Variants in DSCAM observed in about 807,000 individuals in gnomAD.
DSCAM encodes DS cell adhesion molecule, also known as cell adhesion molecule DSCAM.
DSCAM carries 47 observed loss-of-function variants against 217.7 expected under a neutral mutation model. The observed-to-expected ratio is 0.22, with a 90% CI of 0.17 to 0.28. DSCAM has a LOEUF of 0.28. Ranked by LOEUF, DSCAM falls within the 10% of genes least tolerant of loss-of-function variation. The pLI, the probability that DSCAM is intolerant of heterozygous loss-of-function variation, is 1.00. For missense variants in DSCAM, 2,080 were observed against 2,618.3 expected (o/e 0.79, Z 4.49); for synonymous variants, 1,056 against 1,015.3 (o/e 1.04, Z -0.76).
chr21:40,529,512 GAGC>G (rs917998809), intron 3 of DSCAM, among the ~76,000 whole-genome samples: 17 of 152,074 alleles, frequency 1.1e-4, no homozygotes, highest in South Asian at 8.3e-4. Context: ...AGTTGGTATG[GAGC>G]AGATCAAAGG....
At chr21:40,488,263 GT>G (rs1277721961) in intron 3 of DSCAM, among the ~76,000 whole-genome samples, 2 of 152,212 alleles carry the variant, frequency 1.3e-5, no homozygotes, top group Non-Finnish European at 2.9e-5. Context: ...TCCTCTCTGA[GT>G]TTCTGCTTCC....
chr21:40,427,877 T>C (rs1040358197), intron 3 of DSCAM, among the ~76,000 whole-genome samples: 1 of 152,216 alleles, frequency 6.6e-6, no homozygotes, highest in Non-Finnish European at 1.5e-5. Flanking sequence ...TCTGGATGAA[T>C]ATCAGCACTG....
At chr21:40,380,946 C>T (rs1386460374) in intron 3 of DSCAM, among the ~76,000 whole-genome samples, 1 of 151,316 alleles carries the variant, frequency 6.6e-6, no homozygotes, top group South Asian at 2.1e-4. Context: ...GCCTGTAGTC[C>T]CAGCTGCTCG....
At chr21:40,818,547 CAAAAAAAAAAAAAAAAAAAAAA>C (rs60730859) in intron 1 of DSCAM, among the ~76,000 whole-genome samples, 30 of 41,850 alleles carry the variant, frequency 7.2e-4, no homozygotes, top group Admixed American at 4.3e-4. Context: ...CTCCGTCTCA[CAAAAAAAAAAAAAAAAAAAAAA>C]AAAAAAAAAA....
At chr21:40,030,666 G>A (rs774547504) in intron 32 of DSCAM, among the ~76,000 whole-genome samples, 6 of 152,152 alleles carry the variant, frequency 3.9e-5, no homozygotes, top group Non-Finnish European at 8.8e-5. Flanking sequence ...ACATACTGCT[G>A]TTCACGCCCA....
At chr21:40,617,987 C>T (rs2089427603) in intron 3 of DSCAM, among the ~76,000 whole-genome samples, 1 of 152,198 alleles carries the variant, frequency 6.6e-6, no homozygotes, top group South Asian at 2.1e-4. Flanking sequence ...AATATGGCTG[C>T]CTGGGTGAAG....
intron 3 of DSCAM, among the ~76,000 whole-genome samples, chr21:40,517,005 T>G (rs959778762): frequency 6.8e-6 from 1 of 147,662 alleles, no homozygotes; most frequent in Non-Finnish European, 1.5e-5. Flanking sequence ...ATACACCATA[T>G]ATATACCTTA....
At chr21:40,447,184 C>A (rs1424572687) in intron 3 of DSCAM, among the ~76,000 whole-genome samples, 1 of 152,096 alleles carries the variant, frequency 6.6e-6, no homozygotes, top group Non-Finnish European at 1.5e-5. Flanking sequence ...TAAGGTTGGG[C>A]ATGTAGGTGA....
intron 19 of DSCAM, among the ~76,000 whole-genome samples, chr21:40,126,460 A>T (rs1184023143): frequency 6.6e-6 from 1 of 152,100 alleles, no homozygotes; most frequent in Non-Finnish European, 1.5e-5. Context: ...ATCGTTGGTA[A>T]ATGGTCACAT....
intron 16 of DSCAM, among the ~76,000 whole-genome samples, chr21:40,163,898 C>G (rs2090566673): frequency 6.6e-6 from 1 of 152,162 alleles, no homozygotes; most frequent in Non-Finnish European, 1.5e-5. Flanking sequence ...GATGCCATCT[C>G]CATGGCAGTC....
intron 11 of DSCAM, among the ~76,000 whole-genome samples, chr21:40,210,465 T>G (rs2091171036): frequency 6.6e-6 from 1 of 152,182 alleles, no homozygotes; most frequent in Admixed American, 6.5e-5. Flanking sequence ...ATAGCTGTGG[T>G]GCAATATCAG....
At chr21:40,053,027 T>C (rs1469964554) in intron 29 of DSCAM, among the ~76,000 whole-genome samples, 2 of 152,220 alleles carry the variant, frequency 1.3e-5, no homozygotes, top group African/African-American at 4.8e-5. Flanking sequence ...AGGATGCTGT[T>C]GCTAAGAGTT....
At chr21:40,265,190 C>G (rs1014157235) in intron 11 of DSCAM, among the ~76,000 whole-genome samples, 1 of 146,770 alleles carries the variant, frequency 6.8e-6, no homozygotes, top group Non-Finnish European at 1.5e-5. Context: ...AGCAAAATTC[C>G]GTCTCAAAAA....
intron 3 of DSCAM, among the ~76,000 whole-genome samples, chr21:40,464,184 G>C (rs1047728929): frequency 3.9e-5 from 6 of 152,164 alleles, no homozygotes; most frequent in Non-Finnish European, 7.3e-5. Context: ...CACCTCTACA[G>C]AGGTTCTCTG....
chr21:40,671,139 G>A (rs1454130028), intron 3 of DSCAM, among the ~76,000 whole-genome samples: 1 of 152,122 alleles, frequency 6.6e-6, no homozygotes, highest in Non-Finnish European at 1.5e-5. Flanking sequence ...CCCAACTGTA[G>A]TCTTTGACCA....
rs546012748 is a variant in DSCAM, at chr21:40,383,531, T to C, written c.509-14286A>G. ...GGAAAGCCACAGAAGGTACCAGTTA[T>C]CCACTCACTGACTTAGGTGCCTCCA... On this transcript the variant is annotated intron_variant, in intron 3 of 32. Coordinates refer to ENST00000400454, the MANE Select transcript of DSCAM (RefSeq NM_001389.5). 8 of 152,328 alleles carry C rather than the reference T, an allele frequency of 5.3e-5. No individual in the cohort carries two copies. The South Asian group carries it at 1.7e-3, about 32-fold the overall frequency. 9.4% of individuals were successfully genotyped at this position (152,328 alleles called of 1,614,324 possible).
chr21:40,691,952 A>G (rs2090542679), intron 3 of DSCAM, among the ~76,000 whole-genome samples: 1 of 152,348 alleles, frequency 6.6e-6, no homozygotes, highest in African/African-American at 2.4e-5. Context: ...AATGGATAAA[A>G]TGTTGCTTAG....
chr21:40,169,849 CCT>C (rs2090636506), intron 15 of DSCAM, among the ~76,000 whole-genome samples: 1 of 152,176 alleles, frequency 6.6e-6, no homozygotes, highest in South Asian at 2.1e-4. Flanking sequence ...CCAAATGGCC[CCT>C]GTCCTATGCT....
intron 32 of DSCAM, among the ~76,000 whole-genome samples, chr21:40,033,448 A>C (rs2088569689): frequency 1.3e-5 from 2 of 152,146 alleles, no homozygotes; most frequent in East Asian, 3.9e-4. Flanking sequence ...CTCCCACCCG[A>C]ATACTGCGCT....
Sources: gnomAD v4.1 joint callset for allele counts (sites outside exome capture counted in the v4.1 genomes callset) on GRCh38, gnomAD v4.1.1 for gene constraint, MANE v1.5 for transcripts, NCBI Gene and HGNC (gene_info 2026-07-23, HGNC 2026-07-21) for gene names.